The following ZFYVE27 variants were observed in gnomAD, a reference collection of about 807,000 sequenced individuals.
ZFYVE27 encodes the protein protrudin.
Under a neutral mutation model 52.8 loss-of-function variants are expected in ZFYVE27, and 36 were observed. The observed-to-expected ratio is 0.68, with a 90% CI of 0.52 to 0.90. The LOEUF is 0.90. Among genes scored for constraint, ZFYVE27 ranks in the 40% least tolerant of loss-of-function variants. ZFYVE27 has a pLI of 0.00. For missense variants in ZFYVE27, 450 were observed against 527.2 expected, an observed-to-expected ratio of 0.85 and a Z score of 1.43; for synonymous variants, 223 against 215.6, an observed-to-expected ratio of 1.03 and a Z score of -0.30.
At chr10:97,748,518 C>T (rs1403817446) in intron 5 of ZFYVE27, among the ~76,000 whole-genome samples, 154 bp downstream of exon 5, 1 of 152,170 alleles carries the variant, frequency 6.6e-6, no homozygotes, top group Non-Finnish European at 1.5e-5. Flanking sequence ...CATATGCTTG[C>T]GGGCTCTAAT....
At chr10:97,749,898 C>G (rs2046473589) in intron 6 of ZFYVE27, 1 of 421,366 alleles carries the variant, frequency 2.4e-6, no homozygotes, top group Non-Finnish European at 4.4e-6. Flanking sequence ...AAAGCTGCCA[C>G]CCATCCCCTG....
intron 2 of ZFYVE27, among the ~76,000 whole-genome samples, chr10:97,739,751 A>G (rs535952886): frequency 6.6e-6 from 1 of 152,140 alleles, no homozygotes. Context: ...CTCTCGTGAC[A>G]TTGATTTGCT....
chr10:97,752,616 AC>A (rs1188993922), intron 8 of ZFYVE27, among the ~76,000 whole-genome samples: 1 of 152,158 alleles, frequency 6.6e-6, no homozygotes, highest in African/African-American at 2.4e-5. Context: ...TCAAATAAAG[AC>A]CTACTAAATT....
intron 2 of ZFYVE27, 90 bp downstream of exon 2, chr10:97,738,764 G>A (rs2042778911): frequency 2.0e-6 from 3 of 1,492,522 alleles, no homozygotes; most frequent in African/African-American, 2.8e-5. Context: ...GCAGTGGCTG[G>A]GCTGTCCTTT....
chr10:97,756,851 T>C (rs937628359), intron 10 of ZFYVE27, among the ~76,000 whole-genome samples: 1 of 152,224 alleles, frequency 6.6e-6, no homozygotes, highest in African/African-American at 2.4e-5. Context: ...TTTCTGTCTT[T>C]AGCCTGTGGG....
intron 8 of ZFYVE27, among the ~76,000 whole-genome samples, chr10:97,752,398 A>T (rs922324142): frequency 3.9e-5 from 6 of 152,192 alleles, no homozygotes; most frequent in Non-Finnish European, 5.9e-5. Flanking sequence ...CAAAACTTTG[A>T]TATATGATTG....
At position 97,760,470 on chromosome 10, in the gene ZFYVE27, G is replaced by C. The variant is rs987833906; in HGVS notation, c.*1170G>C. ...TTTCTCAAGTATTTATTTATTTATT[G>C]CATGGTTCCTGGGAACATGTGGCAC... On this transcript the variant is annotated 3_prime_UTR_variant, in exon 13 of 13. Coordinates refer to ENST00000684270, the MANE Select transcript of ZFYVE27 (RefSeq NM_001385875.1). 3 of 152,378 alleles carry C rather than the reference G, an allele frequency of 2.0e-5. No individual in the cohort carries two copies. In the South Asian group the frequency reaches 6.2e-4, roughly 32 times the overall value. 9.4% of individuals were successfully genotyped at this position (152,378 alleles called of 1,614,324 possible). A position where few individuals can be genotyped will look rare whatever the true frequency, so the allele number is the denominator to read the frequency against.
chr10:97,738,163 C>T (rs1421311787), intron 1 of ZFYVE27, among the ~76,000 whole-genome samples: 4 of 152,148 alleles, frequency 2.6e-5, no homozygotes, highest in African/African-American at 9.7e-5. Context: ...GATGTTTAAG[C>T]TGATACCTGA....
chr10:97,741,750 C>A (rs2043707883), intron 2 of ZFYVE27, among the ~76,000 whole-genome samples: 1 of 152,128 alleles, frequency 6.6e-6, no homozygotes, highest in Admixed American at 6.6e-5. Flanking sequence ...TATCCCAGAA[C>A]TTTAAGTATA....
Position 97,751,388 on chromosome 10 carries a change from C to G in ZFYVE27, c.805-3C>G, listed in dbSNP as rs2046964273. The G allele has an allele frequency of 6.2e-7, 1 of 1,613,620 alleles. No homozygotes were observed. Among genetic ancestry groups the G allele is most frequent in the South Asian group, 1.1e-5 (1 of 91,052 alleles). On this transcript the variant is annotated splice_region_variant and splice_polypyrimidine_tract_variant and intron_variant, in intron 7 of 12. Transcript: ENST00000684270. ...CCTTCTGTCATAGAGTCTCTCTTCC[C>G]AGGACCTCACACCGGGCAGCGTGGA...
Position 97,740,335 on chromosome 10 carries a change from C to G in ZFYVE27, c.197+1661C>G, listed in dbSNP as rs531652936. On this transcript the variant is annotated intron_variant, in intron 2 of 12. Transcript: ENST00000684270. ...AGTCAGTGTTCCAGAGCTGTGTTCT[C>G]TACTGTAAGATCACTGTGCTCTTCC... Among the ~76,000 whole-genome samples, 43 of 152,344 alleles carry G rather than the reference C, an allele frequency of 2.8e-4. No homozygotes were observed. The South Asian group carries it at 8.5e-3, about 30-fold the overall frequency.
Position 97,737,186 on chromosome 10 carries a change from C to G in ZFYVE27, c.-137C>G, listed in dbSNP as rs1291250794. 1 of 152,472 alleles carries G rather than the reference C, an allele frequency of 6.6e-6. No individual in the cohort carries two copies. Among genetic ancestry groups the G allele is most frequent in the East Asian group, 1.9e-4 (1 of 5,198 alleles). The allele number at this position is 152,472 out of a possible 1,614,324, so 9.4% of individuals were successfully genotyped here. ...GGCGTAGGCGGAGGAGATTTTCGGA[C>G]CTGCGACTTCCGAACAACCCTGGCA... On this transcript the variant is annotated 5_prime_UTR_variant, in exon 1 of 13. Transcript: ENST00000684270.
rs1430681151 is a variant in ZFYVE27 at position 97,749,688 on chromosome 10, T to C, written c.664+102T>C. On this transcript the variant is annotated intron_variant, in intron 6 of 12. Transcript: ENST00000684270. Reference sequence around the variant, plus strand: ...TCTACAGCTAATCATCAGTTTGCTGTGCTTCCACAAGTGCAACACCACACT... The same window carrying C: ...TCTACAGCTAATCATCAGTTTGCTGCGCTTCCACAAGTGCAACACCACACT... The C allele has an allele frequency of 5.1e-6, 5 of 986,050 alleles. No homozygotes were observed. The African/African-American group carries it at 8.0e-5, about 16-fold the overall frequency. The allele number at this position is 986,050 out of a possible 1,614,324, so 61.1% of individuals were successfully genotyped here. A position where few individuals can be genotyped will look rare whatever the true frequency, so the allele number is the denominator to read the frequency against.
rs1366245240 is a variant in ZFYVE27, at chr10:97,760,554, G to C, written c.*1254G>C. ...GTCTTCTACCTAGGACTCTTCCCTG[G>C]AGTCATGGGCTGCCTGGGACCCAGG... On this transcript the variant is annotated 3_prime_UTR_variant, in exon 13 of 13. Transcript: ENST00000684270. The C allele has an allele frequency of 2.0e-5, 3 of 152,264 alleles. No homozygotes were observed. The highest frequency in any genetic ancestry group is 7.2e-5 in the African/African-American group (3 of 41,438). The allele number at this position is 152,264 out of a possible 1,614,324, so 9.4% of individuals were successfully genotyped here.
chr10:97,744,591 C>A, intron 3 of ZFYVE27, 138 bp from the exon 4 acceptor site: 1 of 962,700 alleles, frequency 1.0e-6, no homozygotes, highest in Non-Finnish European at 1.6e-6. Context: ...GGGTGAGACA[C>A]TGTGTCGTAC....
chr10:97,743,187 A>G lies in ZFYVE27; in HGVS notation c.268+23A>G, dbSNP rs1378827313. On this transcript the variant is annotated intron_variant, in intron 3 of 12. Transcript: ENST00000684270. The stretch of plus-strand genomic sequence containing the variant: ...AGGGTAAGAACTGCCTTCAGGGGCC[A>G]GTGGTTTTTGTGAACGAATGTGGGG... 3 of 1,613,960 alleles carry G rather than the reference A, an allele frequency of 1.9e-6. No homozygotes were observed. The African/African-American group carries it at 4.0e-5, about 22-fold the overall frequency.
At chr10:97,745,927 C>T (rs945819043) in intron 4 of ZFYVE27, among the ~76,000 whole-genome samples, 1 of 151,802 alleles carries the variant, frequency 6.6e-6, no homozygotes, top group Admixed American at 6.6e-5. Context: ...GGCTGGGCCT[C>T]ACCCCAGAAA....
intron 1 of ZFYVE27, 93 bp from the exon 2 acceptor site, chr10:97,738,384 C>G: frequency 7.2e-7 from 1 of 1,397,700 alleles, no homozygotes. Flanking sequence ...CCCTTGCTCA[C>G]AGGTTTACTG....
intron 5 of ZFYVE27, among the ~76,000 whole-genome samples, chr10:97,748,728 A>ATCATTATATG (rs2046142953): frequency 1.3e-5 from 2 of 152,280 alleles, no homozygotes; most frequent in East Asian, 3.9e-4. Flanking sequence ...TCATTATATT[A>ATCATTATATG]AAGATGATTT....
Sources: allele counts gnomAD v4.1 joint callset (sites outside exome capture counted in the v4.1 genomes callset), GRCh38; gene constraint gnomAD v4.1.1; transcripts MANE v1.5; gene names NCBI Gene and HGNC (gene_info 2026-07-23, HGNC 2026-07-21).